PTPRT: variants seen among roughly 807,000 people sequenced by gnomAD.
PTPRT encodes protein tyrosine phosphatase receptor type T.
Under a neutral mutation model 176.8 loss-of-function variants are expected in PTPRT, and 56 were observed. The observed-to-expected ratio is 0.32, with a 90% CI of 0.26 to 0.40. The LOEUF is 0.40. Among genes scored for constraint, PTPRT ranks in the 10% least tolerant of loss-of-function variants. PTPRT has a pLI of 1.00. For missense variants in PTPRT, 1,540 were observed against 1,908.2 expected, an observed-to-expected ratio of 0.81 and a Z score of 3.60; for synonymous variants, 783 against 739.0, an observed-to-expected ratio of 1.06 and a Z score of -0.96.
In PTPRT at chr20:42,729,531, C is replaced by T. The variant is rs544207587; in HGVS notation, c.859+26931G>A. Among the ~76,000 whole-genome samples, 44 of 152,348 alleles carry T rather than the reference C, an allele frequency of 2.9e-4. 1 individual carries two copies. Among genetic ancestry groups the T allele is most frequent in the African/African-American group, 1.1e-3 (44 of 41,586 alleles). Reference sequence around the variant, plus strand: ...TGCAAGGACAGAAAGATGCCTACAACAAGCCAGAGTTACGGGACTGGGGTG... The same window carrying T: ...TGCAAGGACAGAAAGATGCCTACAATAAGCCAGAGTTACGGGACTGGGGTG... On this transcript the variant is annotated intron_variant, in intron 6 of 30. Coordinates refer to ENST00000373187, the MANE Select transcript of PTPRT (RefSeq NM_007050.6).
At position 42,183,875 on chromosome 20, in the gene PTPRT, C is replaced by T. The variant is rs986677674; in HGVS notation, c.2491+15365G>A. Among the ~76,000 whole-genome samples the T allele has an allele frequency of 9.9e-5, 15 of 152,144 alleles. No homozygotes were observed. In the South Asian group the frequency reaches 2.7e-3, roughly 27 times the overall value. ...GCATTTCTCCTGGCTTTCTCAAACA[C>T]TTGCTCTGGGGGAAGACAGCTATCA... On this transcript the variant is annotated intron_variant, in intron 16 of 30. Transcript: ENST00000373187.
intron 1 of PTPRT, among the ~76,000 whole-genome samples, chr20:42,909,216 T>C (rs777710949): frequency 6.6e-6 from 1 of 152,154 alleles, no homozygotes; most frequent in Non-Finnish European, 1.5e-5. Context: ...TCTATGTGTG[T>C]ATGTATCCTA....
chr20:42,277,858 A>G (rs6102757), intron 13 of PTPRT, among the ~76,000 whole-genome samples: 33,047 of 150,372 alleles, frequency 0.22, 4,300 homozygotes, highest in African/African-American at 0.35. Context: ...AAGCCATGGA[A>G]GAATAATGAC....
chr20:42,901,775 A>G (rs1434498796), intron 1 of PTPRT, among the ~76,000 whole-genome samples: 2 of 152,206 alleles, frequency 1.3e-5, no homozygotes, highest in Non-Finnish European at 2.9e-5. Flanking sequence ...ATAAATAGAG[A>G]AACCAATGTC....
chr20:42,820,136 G>A (rs994677472), intron 2 of PTPRT, among the ~76,000 whole-genome samples: 1 of 146,480 alleles, frequency 6.8e-6, no homozygotes, highest in Non-Finnish European at 1.5e-5. Context: ...GTGCCACATG[G>A]CACTTATGCT....
intron 13 of PTPRT, among the ~76,000 whole-genome samples, chr20:42,263,206 C>T (rs2056779400): frequency 6.6e-6 from 1 of 151,858 alleles, no homozygotes; most frequent in African/African-American, 2.4e-5. Flanking sequence ...GGATTAGACT[C>T]TCTCTCTTTT....
intron 7 of PTPRT, among the ~76,000 whole-genome samples, chr20:42,545,046 G>C (rs559040313): frequency 6.6e-6 from 1 of 152,106 alleles, no homozygotes; most frequent in Admixed American, 6.5e-5. Context: ...AGGAACATAC[G>C]GCCAGACACC....
intron 12 of PTPRT, among the ~76,000 whole-genome samples, chr20:42,300,214 C>T (rs768887963): frequency 5.4e-5 from 8 of 146,998 alleles, no homozygotes; most frequent in Non-Finnish European, 1.2e-4. Context: ...GCCAAGATCA[C>T]GCCATTGTAC....
intron 9 of PTPRT, among the ~76,000 whole-genome samples, chr20:42,423,201 A>AAAAT (rs58685990): frequency 6.8e-6 from 1 of 147,124 alleles, no homozygotes; most frequent in Non-Finnish European, 1.5e-5. Flanking sequence ...AAAAAAAAAA[A>AAAAT]GGAAGAGAAA....
At chr20:42,812,427 C>T (rs971549716) in intron 2 of PTPRT, among the ~76,000 whole-genome samples, 76 of 152,050 alleles carry the variant, frequency 5.0e-4, no homozygotes, top group Admixed American at 4.5e-3. Flanking sequence ...CTCTAATCTA[C>T]TTTCTATCTC....
chr20:42,141,977 G>A lies in PTPRT; in HGVS notation c.2708C>T (p.Ser903Leu), dbSNP rs749916516. 1.8e-5 allele frequency: 29 copies of A among 1,613,938 alleles called. No homozygotes were observed. The change falls in exon 18 of 31, where the codon TCG becomes TTG. Residue 903 changes from serine (S) to leucine (L), a missense_variant. Ser to Leu is a moderately radical substitution (Grantham distance 145, BLOSUM62 -2). Transcript: ENST00000373187. Reference sequence around the variant, plus strand: ...TTCATCCTCCTTGGCTGTGTCCCACGAAGCTGTCTGCCCCTCTGGTAAGGC... The same window carrying A: ...TTCATCCTCCTTGGCTGTGTCCCACAAAGCTGTCTGCCCCTCTGGTAAGGC... ...YEALPEGQTASWDTAKEDENR... is the reference protein window; with the variant it reads ...YEALPEGQTALWDTAKEDENR...
At chr20:42,529,460 C>T (rs930650793) in intron 7 of PTPRT, among the ~76,000 whole-genome samples, 2 of 152,086 alleles carry the variant, frequency 1.3e-5, no homozygotes, top group Non-Finnish European at 2.9e-5. Flanking sequence ...TCTGAAAACA[C>T]TCTCTAGGCG....
intron 2 of PTPRT, among the ~76,000 whole-genome samples, chr20:42,845,147 T>G (rs1297555580): frequency 6.6e-6 from 1 of 152,158 alleles, no homozygotes; most frequent in Non-Finnish European, 1.5e-5. Flanking sequence ...TGCCTGAGTG[T>G]GTGAATGTAC....
intron 1 of PTPRT, among the ~76,000 whole-genome samples, chr20:43,050,993 T>C (rs528989944): frequency 6.6e-6 from 1 of 152,322 alleles, no homozygotes; most frequent in East Asian, 1.9e-4. Context: ...CTCTATTCTC[T>C]GGAATGACAA....
chr20:42,485,977 G>A (rs1416914268), intron 7 of PTPRT, among the ~76,000 whole-genome samples: 1 of 152,216 alleles, frequency 6.6e-6, no homozygotes, highest in African/African-American at 2.4e-5. Context: ...GTCCATCTCA[G>A]TTAACTTGTG....
At chr20:42,900,736 TAA>T (rs1251639656) in intron 1 of PTPRT, among the ~76,000 whole-genome samples, 3 of 152,144 alleles carry the variant, frequency 2.0e-5, no homozygotes, top group African/African-American at 7.2e-5. Flanking sequence ...TGACATACTG[TAA>T]AAGAGTCTTG....
chr20:42,176,718 G>A (rs1281237649), intron 16 of PTPRT, among the ~76,000 whole-genome samples: 1 of 152,130 alleles, frequency 6.6e-6, no homozygotes, highest in African/African-American at 2.4e-5. Flanking sequence ...GTAATACTTA[G>A]CTAAACTAGA....
intron 7 of PTPRT, among the ~76,000 whole-genome samples, chr20:42,535,148 A>T (rs755306371): frequency 6.6e-6 from 1 of 152,146 alleles, no homozygotes; most frequent in African/African-American, 2.4e-5. Context: ...CAGACACACA[A>T]AAAAAATGAG....
chr20:42,548,763 TAGAAAACACAGGAACCCTTTCTCCA>T (rs2072718291), intron 7 of PTPRT, among the ~76,000 whole-genome samples: 1 of 152,114 alleles, frequency 6.6e-6, no homozygotes, highest in Admixed American at 6.6e-5. Flanking sequence ...GAAAATTTAA[TAGAAAACACAGGAACCCTTTCTCCA>T]AGAAACGCGC....
Sources: allele counts gnomAD v4.1 joint callset (sites outside exome capture counted in the v4.1 genomes callset), GRCh38; gene constraint gnomAD v4.1.1; transcripts MANE v1.5; gene names NCBI Gene and HGNC (gene_info 2026-07-23, HGNC 2026-07-21).